CSMD3: variants seen among roughly 807,000 people sequenced by gnomAD.
The protein encoded by CSMD3 is CUB and sushi domain-containing protein 3.
Under a neutral mutation model 435.2 loss-of-function variants are expected in CSMD3, and 177 were observed. That is an observed-to-expected ratio of 0.41 (90% CI 0.36 to 0.46). The LOEUF (loss-of-function observed/expected upper bound fraction) is 0.46. CSMD3 is among the 20% of genes least tolerant of loss of function. The probability of loss-of-function intolerance (pLI) is 0.34; values close to 1 mark genes in which losing one functional copy is unlikely to be tolerated. For missense variants in CSMD3, 4,265 were observed against 4,504.6 expected, an observed-to-expected ratio of 0.95 and a Z score of 1.52; for synonymous variants, 1,656 against 1,520.5, an observed-to-expected ratio of 1.09 and a Z score of -2.07.
At chr8:112,306,850 T>C (rs915412024) in intron 50 of CSMD3, among the ~76,000 whole-genome samples, 2 of 152,168 alleles carry the variant, frequency 1.3e-5, no homozygotes, top group Admixed American at 1.3e-4. Context: ...TTATCTACAA[T>C]ACATTTGATT....
At position 112,311,119 on chromosome 8, in the gene CSMD3, T is replaced by G; in HGVS notation, c.7744A>C (p.Ser2582Arg). ...CTGTTAAGCTGCCCACCTGTCTGAC[T>G]GATAATATATCCATGAGGTGGGGAT... ...PESPPHGYII[S>R]QTGGQLNSVV... The change falls in exon 50 of 71, where the codon AGT becomes CGT. Residue 2582 changes from serine to arginine, a missense_variant. This residue lies in a region of CSMD3 where 3,255 missense variants were observed against 3,380.2 expected (regional missense o/e 0.96). Coordinates refer to ENST00000297405, the MANE Select transcript of CSMD3 (RefSeq NM_198123.2). 6.2e-7 allele frequency: 1 copy of G among 1,614,002 alleles called. No individual in the cohort carries two copies. The highest frequency in any genetic ancestry group is 1.1e-5 in the South Asian group (1 of 91,084).
chr8:112,864,487 G>C, intron 10 of CSMD3, among the ~76,000 whole-genome samples: 1 of 152,080 alleles, frequency 6.6e-6, no homozygotes, highest in East Asian at 1.9e-4. Context: ...CTGACCTCAA[G>C]TGATCAGCCC....
intron 3 of CSMD3, among the ~76,000 whole-genome samples, chr8:113,201,913 A>T (rs1289650401): frequency 6.6e-6 from 1 of 152,080 alleles, no homozygotes; most frequent in Non-Finnish European, 1.5e-5. Context: ...TTTATAAAAG[A>T]AATTTCAACA....
chr8:112,838,053 T>G (rs535831076), intron 11 of CSMD3, among the ~76,000 whole-genome samples: 10 of 151,710 alleles, frequency 6.6e-5, no homozygotes, highest in African/African-American at 2.2e-4. Flanking sequence ...TGTTGATTGC[T>G]TTGGGATATA....
At chr8:112,410,628 G>GTATATATATATGTATATATATGTGTATA (rs373147062) in intron 32 of CSMD3, among the ~76,000 whole-genome samples, 1 of 69,954 alleles carries the variant, frequency 1.4e-5, no homozygotes, top group East Asian at 4.4e-4. Flanking sequence ...ATATATATGT[G>GTATATATATATGTATATATATGTGTATA]TATATATATG....
chr8:113,424,392 TAAC>T (rs1268464316), intron 1 of CSMD3, among the ~76,000 whole-genome samples: 5 of 151,722 alleles, frequency 3.3e-5, no homozygotes, highest in Non-Finnish European at 7.4e-5. Flanking sequence ...CCAGTAAAGA[TAAC>T]AATAACAAAT....
intron 13 of CSMD3, among the ~76,000 whole-genome samples, chr8:112,767,008 A>G (rs2077996206): frequency 6.6e-6 from 1 of 151,894 alleles, no homozygotes; most frequent in Non-Finnish European, 1.5e-5. Flanking sequence ...CTGACTATGC[A>G]TCAGGGTTTA....
chr8:112,445,651 A>G (rs1815520248), intron 32 of CSMD3, among the ~76,000 whole-genome samples: 1 of 152,186 alleles, frequency 6.6e-6, no homozygotes, highest in African/African-American at 2.4e-5. Flanking sequence ...CCCACTTCCA[A>G]CATCAAGGAT....
chr8:112,701,217 G>C (rs551273599), intron 13 of CSMD3, among the ~76,000 whole-genome samples: 26 of 152,276 alleles, frequency 1.7e-4, no homozygotes, highest in Non-Finnish European at 2.6e-4. Flanking sequence ...TAGGGGATTA[G>C]AGTATCTTAA....
At chr8:113,175,742 T>C (rs116334129) in intron 3 of CSMD3, among the ~76,000 whole-genome samples, 55 of 152,164 alleles carry the variant, frequency 3.6e-4, no homozygotes, top group African/African-American at 1.1e-3. Context: ...CCTCTGAATA[T>C]AGTAATAACA....
rs530791487 is a variant in CSMD3 at position 112,700,004 on chromosome 8, G to T, written c.1973-9954C>A. Among the ~76,000 whole-genome samples, 7 of 152,134 alleles carry T rather than the reference G, an allele frequency of 4.6e-5. No individual in the cohort carries two copies. The South Asian group carries it at 1.4e-3, about 32-fold the overall frequency. ...TGTGTAGTTAGTGAAATTTGGAAGG[G>T]TTTTAATTTGTTTGGAAGTGTTTTA... On this transcript the variant is annotated intron_variant, in intron 13 of 70. Coordinates refer to ENST00000297405, the MANE Select transcript of CSMD3 (RefSeq NM_198123.2).
intron 63 of CSMD3, among the ~76,000 whole-genome samples, chr8:112,250,744 T>G (rs1440887135): frequency 6.6e-6 from 1 of 151,824 alleles, no homozygotes; most frequent in Non-Finnish European, 1.5e-5. Context: ...ATTGCAATAA[T>G]TAATATTGAA....
At chr8:113,159,551 T>C (rs1283112550) in intron 4 of CSMD3, among the ~76,000 whole-genome samples, 1 of 152,010 alleles carries the variant, frequency 6.6e-6, no homozygotes, top group Non-Finnish European at 1.5e-5. Flanking sequence ...AGCAACTAAG[T>C]TTGTCAGGTT....
At chr8:112,321,666 C>T (rs911097506) in intron 45 of CSMD3, among the ~76,000 whole-genome samples, 4 of 152,006 alleles carry the variant, frequency 2.6e-5, no homozygotes, top group African/African-American at 9.7e-5. Flanking sequence ...GATGAAACAA[C>T]CAAAAAAATC....
chr8:113,029,313 GC>G (rs981308275), intron 5 of CSMD3, among the ~76,000 whole-genome samples: 1 of 150,906 alleles, frequency 6.6e-6, no homozygotes, highest in Non-Finnish European at 1.5e-5. Flanking sequence ...CCAGGGAAGG[GC>G]ATAACCAAAA....
chr8:113,067,943 T>C (rs1317176477), intron 5 of CSMD3, among the ~76,000 whole-genome samples: 1 of 152,074 alleles, frequency 6.6e-6, no homozygotes, highest in East Asian at 1.9e-4. Flanking sequence ...CCTGGTGGTT[T>C]GAAACATAAT....
intron 10 of CSMD3, among the ~76,000 whole-genome samples, chr8:112,909,904 T>C (rs1233160567): frequency 6.6e-6 from 1 of 151,850 alleles, no homozygotes; most frequent in Non-Finnish European, 1.5e-5. Context: ...CATGAGCTGC[T>C]GCTTCAACTC....
chr8:113,084,195 T>C (rs2089669802), intron 5 of CSMD3, among the ~76,000 whole-genome samples: 1 of 152,140 alleles, frequency 6.6e-6, no homozygotes, highest in Middle Eastern at 3.2e-3. Flanking sequence ...CATGATCTTA[T>C]ATCTAGAGAA....
At chr8:113,059,810 T>C (rs952804920) in intron 5 of CSMD3, among the ~76,000 whole-genome samples, 6 of 152,050 alleles carry the variant, frequency 3.9e-5, no homozygotes, top group South Asian at 2.1e-4. Flanking sequence ...TGGGTGTTCA[T>C]TGGAAACAGC....
Sources: gnomAD v4.1 joint callset for allele counts (sites outside exome capture counted in the v4.1 genomes callset) on GRCh38, gnomAD v4.1.1 for gene constraint, gnomAD v4.1.1 regional missense constraint, MANE v1.5 for transcripts, NCBI Gene and HGNC (gene_info 2026-07-23, HGNC 2026-07-21) for gene names.